PKD2L1: variants seen among roughly 807,000 people sequenced by gnomAD.
PKD2L1 encodes polycystin 2 like 1, transient receptor potential cation channel.
PKD2L1 carries 77 observed loss-of-function variants against 93.0 expected under a neutral mutation model. The ratio of observed to expected loss-of-function variants is 0.83; its 90% CI spans 0.69 to 1.00. The LOEUF is 1.00. Among genes scored for constraint, PKD2L1 ranks in the 50% least tolerant of loss-of-function variants. The probability of loss-of-function intolerance (pLI) is 0.00; values close to 1 mark genes in which losing one functional copy is unlikely to be tolerated. For synonymous variants in PKD2L1, 390 were observed against 388.0 expected (o/e 1.01, Z -0.06); for missense variants, 977 against 990.9 (o/e 0.99, Z 0.19).
intron 2 of PKD2L1, among the ~76,000 whole-genome samples, chr10:100,322,827 T>C (rs1020670973): frequency 2.6e-5 from 4 of 152,218 alleles, no homozygotes; most frequent in Non-Finnish European, 5.9e-5. Context: ...CTCCAGTGGT[T>C]AAAAGCCTCG....
At chr10:100,289,543 T>A (rs3978773) in intron 14 of PKD2L1, among the ~76,000 whole-genome samples, 77,414 of 151,594 alleles carry the variant, frequency 0.51, 20,671 homozygotes, top group African/African-American at 0.65. Context: ...CCATCTCAAA[T>A]AATAATAATA....
At chr10:100,306,527 G>A (rs948147644) in intron 2 of PKD2L1, among the ~76,000 whole-genome samples, 1 of 152,026 alleles carries the variant, frequency 6.6e-6, no homozygotes, top group Non-Finnish European at 1.5e-5. Context: ...TATGTAAGGG[G>A]ATCACATCCC....
chr10:100,294,472 T>C, intron 9 of PKD2L1, 63 bp downstream of exon 9: 1 of 1,576,950 alleles, frequency 6.3e-7, no homozygotes, highest in Admixed American at 1.7e-5. Flanking sequence ...GTGAGGGACA[T>C]ACTAGGACCA....
chr10:100,319,456 G>A (rs1037221984), intron 2 of PKD2L1, among the ~76,000 whole-genome samples: 15 of 135,552 alleles, frequency 1.1e-4, no homozygotes, highest in African/African-American at 3.7e-4. Flanking sequence ...GGTTCTATAT[G>A]ACAAAGTATC....
At chr10:100,318,504 T>G (rs1849152053) in intron 2 of PKD2L1, among the ~76,000 whole-genome samples, 1 of 151,644 alleles carries the variant, frequency 6.6e-6, no homozygotes, top group Non-Finnish European at 1.5e-5. Context: ...TCCAGAGTAT[T>G]GAGATGTTTT....
chr10:100,289,385 C>A (rs531520908), intron 14 of PKD2L1, among the ~76,000 whole-genome samples: 13 of 152,024 alleles, frequency 8.6e-5, no homozygotes, highest in African/African-American at 2.7e-4. Context: ...ACTAAAAATA[C>A]AAAATTAGCT....
chr10:100,301,047 C>T (rs941627306), intron 2 of PKD2L1, among the ~76,000 whole-genome samples: 15 of 152,056 alleles, frequency 9.9e-5, no homozygotes, highest in Admixed American at 2.0e-4. Context: ...GGGTGTCCGG[C>T]GGAGACGTCA....
intron 2 of PKD2L1, among the ~76,000 whole-genome samples, chr10:100,301,910 C>A (rs1848687318): frequency 1.3e-5 from 2 of 152,188 alleles, no homozygotes; most frequent in South Asian, 4.1e-4. Flanking sequence ...CCCTGACTTC[C>A]CGCAACACTC....
At chr10:100,296,380 T>G in intron 6 of PKD2L1, 88 bp from the exon 7 acceptor site, 1 of 1,115,764 alleles carries the variant, frequency 9.0e-7, no homozygotes, top group Non-Finnish European at 1.2e-6. Context: ...AGAGTCAGGG[T>G]AGGTAAGACA....
chr10:100,290,465 G>C lies in PKD2L1; in HGVS notation c.2062C>G (p.Gln688Glu). 1 of 1,613,754 alleles carries C rather than the reference G, an allele frequency of 6.2e-7. No homozygotes were observed. The highest frequency in any genetic ancestry group is 8.5e-7 in the Non-Finnish European group (1 of 1,180,010). Residue 688 changes from glutamine (Q) to glutamate (E), a missense_variant, in exon 13 of 16, where the codon CAA (glutamine) becomes GAA (glutamate). Coordinates refer to ENST00000318222, the MANE Select transcript of PKD2L1 (RefSeq NM_016112.3). ...KLGRSIVSSP[Q>E]GKSGPEAARA... ...GCAGCCTCTGGACCCGATTTGCCTTGTGGGCTGCTCACAATAGATCGGCCT... is the reference window on the plus strand; with the variant it reads ...GCAGCCTCTGGACCCGATTTGCCTTCTGGGCTGCTCACAATAGATCGGCCT...
chr10:100,296,045 AAAAG>A, intron 7 of PKD2L1, 73 bp downstream of exon 7: 43 of 1,399,988 alleles, frequency 3.1e-5, no homozygotes, highest in Admixed American at 6.7e-5. Flanking sequence ...AAAAAAAAAA[AAAAG>A]AAAAAAAAGA....
chr10:100,289,888 G>C, intron 14 of PKD2L1, 127 bp downstream of exon 14: 1 of 1,111,520 alleles, frequency 9.0e-7, no homozygotes, highest in Non-Finnish European at 1.3e-6. Flanking sequence ...TAACCGCTAT[G>C]AACATGTTTC....
In PKD2L1 at chr10:100,295,089, G is replaced by A. The variant is rs767620108; in HGVS notation, c.1391C>T (p.Thr464Ile). The A allele has an allele frequency of 1.9e-6, 3 of 1,614,126 alleles. No individual in the cohort carries two copies. Among genetic ancestry groups the A allele is most frequent in the Non-Finnish European group, 8.5e-7 (1 of 1,179,978 alleles). The change falls in exon 8 of 16, where the codon ACC becomes ATC. Residue 464 changes from threonine (T) to isoleucine (I), a missense_variant. By Grantham distance (89) the Thr-to-Ile change is moderately conservative (BLOSUM62 -1). Coordinates refer to ENST00000318222, the MANE Select transcript of PKD2L1 (RefSeq NM_016112.3). ...FKYISFNKTM[T>I]QLSSTLARCA... ...GCGGGCCAGCGTGGAGGAGAGCTGG[G>A]TCATGGTTTTGTTGAAGCTGATGTA...
In PKD2L1 at chr10:100,297,558, G is replaced by GCCCCAGTGGGAGAAGCCCC. The variant is rs1564883351; in HGVS notation, c.761_779dup (p.Arg261GlyfsTer27). The GCCCCAGTGGGAGAAGCCCC allele has an allele frequency of 6.2e-7, 1 of 1,614,010 alleles. No homozygotes were observed. Among genetic ancestry groups the GCCCCAGTGGGAGAAGCCCC allele is most frequent in the East Asian group, 2.2e-5 (1 of 44,848 alleles). Reference sequence around the variant, plus strand: ...CACCTCCGCTGTAGCTTGTGAGCCTGCCCCAGTGGGAGAAGCCCCCCAACT... The same window carrying GCCCCAGTGGGAGAAGCCCC: ...CACCTCCGCTGTAGCTTGTGAGCCTGCCCCAGTGGGAGAAGCCCCCCCCAGTGGGAGAAGCCCCCCAACT... On this transcript the variant is annotated frameshift_variant, in exon 5 of 16. Coordinates refer to ENST00000318222, the MANE Select transcript of PKD2L1 (RefSeq NM_016112.3). LOFTEE classifies it high-confidence loss of function.
chr10:100,307,643 G>A (rs1457063602), intron 2 of PKD2L1, among the ~76,000 whole-genome samples: 1 of 152,194 alleles, frequency 6.6e-6, no homozygotes, highest in Non-Finnish European at 1.5e-5. Context: ...CTGGGCAACA[G>A]AGTGAGACAC....
At position 100,310,104 on chromosome 10, in the gene PKD2L1, C is replaced by T. The variant is rs11190471; in HGVS notation, c.350-10386G>A. Among the ~76,000 whole-genome samples the T allele has an allele frequency of 6.1e-3, 928 of 152,192 alleles. 28 individuals are homozygous for T. In the East Asian group the frequency reaches 0.082, roughly 13 times the overall value. On this transcript the variant is annotated intron_variant, in intron 2 of 15. Transcript: ENST00000318222. ...ATCTCAGAAATTTGGGAGGCCAAGG[C>T]GGGAGGATTGCTTGAGTACAGGAGT...
At chr10:100,292,413 C>A (rs1848423858) in intron 11 of PKD2L1, among the ~76,000 whole-genome samples, 1 of 151,880 alleles carries the variant, frequency 6.6e-6, no homozygotes, top group Non-Finnish European at 1.5e-5. Flanking sequence ...AATTGCTTGA[C>A]CCCGGGGAAG....
At chr10:100,290,879 G>A (rs1848391589) in intron 12 of PKD2L1, among the ~76,000 whole-genome samples, 1 of 152,198 alleles carries the variant, frequency 6.6e-6, no homozygotes, top group African/African-American at 2.4e-5. Flanking sequence ...GATGGAGCAG[G>A]CACAGTAGGG....
chr10:100,329,864 G>GA lies in PKD2L1; in HGVS notation c.235+4_235+5insT. 6.4e-7 allele frequency: 1 copy of GA among 1,574,498 alleles called. No individual in the cohort carries two copies. The highest frequency in any genetic ancestry group is 8.7e-7 in the Non-Finnish European group (1 of 1,147,774). Reference sequence around the variant, plus strand: ...TCCCAGGAGAACTGTCCCCCTATCTGGTACCTCTGATGCCTTGACAGATAT... The same window carrying GA: ...TCCCAGGAGAACTGTCCCCCTATCTGAGTACCTCTGATGCCTTGACAGATAT... On this transcript the variant is annotated splice_donor_region_variant and intron_variant, in intron 1 of 15. Transcript: ENST00000318222.
Sources: allele counts gnomAD v4.1 joint callset (sites outside exome capture counted in the v4.1 genomes callset), GRCh38; gene constraint gnomAD v4.1.1; transcripts MANE v1.5; gene names NCBI Gene and HGNC (gene_info 2026-07-23, HGNC 2026-07-21).